BBS9: variants seen among roughly 807,000 people sequenced by gnomAD.
BBS9 encodes the protein protein PTHB1.
BBS9 carries 89 observed loss-of-function variants against 117.7 expected under a neutral mutation model. That is an observed-to-expected ratio of 0.76 (90% confidence interval 0.64 to 0.90). The LOEUF is 0.90. Ranked by LOEUF, BBS9 falls within the 40% of genes least tolerant of loss-of-function variation. The pLI, the probability that BBS9 is intolerant of heterozygous loss-of-function variation, is 0.00. For missense variants in BBS9, 982 were observed against 1,042.2 expected (o/e 0.94, Z 0.80); for synonymous variants, 379 against 370.9 (o/e 1.02, Z -0.25).
intron 19 of BBS9, among the ~76,000 whole-genome samples, chr7:33,398,153 C>T (rs1828317016): frequency 6.6e-6 from 1 of 152,134 alleles, no homozygotes; most frequent in Non-Finnish European, 1.5e-5. Context: ...AGCTAATTCA[C>T]ACTTGAAATG....
intron 19 of BBS9, chr7:33,390,472 T>TG: frequency 1.0e-6 from 1 of 978,800 alleles, no homozygotes; most frequent in Non-Finnish European, 1.2e-6. Flanking sequence ...TCCTTTTAGA[T>TG]TAATGAAAAG....
chr7:33,167,109 A>T (rs949552729), intron 4 of BBS9, among the ~76,000 whole-genome samples: 1 of 152,248 alleles, frequency 6.6e-6, no homozygotes, highest in African/African-American at 2.4e-5. Context: ...GGACTCAGGA[A>T]GCACAAGGTG....
intron 1 of BBS9, among the ~76,000 whole-genome samples, chr7:33,140,017 A>G (rs1165137157): frequency 3.3e-5 from 5 of 151,458 alleles, no homozygotes; most frequent in Non-Finnish European, 7.4e-5. Flanking sequence ...AGCTTCTGGT[A>G]GATTCCTCTT....
At chr7:33,469,749 A>G (rs1840709227) in intron 19 of BBS9, among the ~76,000 whole-genome samples, 1 of 152,114 alleles carries the variant, frequency 6.6e-6, no homozygotes, top group Non-Finnish European at 1.5e-5. Context: ...GAGAACAAAG[A>G]AAAGAAAGAA....
chr7:33,411,142 A>T (rs1023934986), intron 19 of BBS9, among the ~76,000 whole-genome samples: 1 of 152,076 alleles, frequency 6.6e-6, no homozygotes, highest in African/African-American at 2.4e-5. Flanking sequence ...CATGTGGATA[A>T]GCTTGGATAT....
chr7:33,584,271 A>G (rs1020435304), intron 21 of BBS9, among the ~76,000 whole-genome samples: 1 of 152,004 alleles, frequency 6.6e-6, no homozygotes. Context: ...CAATTATATC[A>G]TCTGGAAATT....
At chr7:33,130,658 A>G (rs1456763784) in intron 1 of BBS9, among the ~76,000 whole-genome samples, 2 of 152,218 alleles carry the variant, frequency 1.3e-5, no homozygotes, top group Non-Finnish European at 2.9e-5. Context: ...CAGCATTCAG[A>G]GAAAGATTTT....
At chr7:33,463,438 T>C (rs1241183156) in intron 19 of BBS9, among the ~76,000 whole-genome samples, 2 of 152,090 alleles carry the variant, frequency 1.3e-5, no homozygotes, top group African/African-American at 4.8e-5. Context: ...GTTGTCTTGT[T>C]TAGATTAGTG....
At chr7:33,409,159 A>G (rs755309151) in intron 19 of BBS9, among the ~76,000 whole-genome samples, 4 of 152,018 alleles carry the variant, frequency 2.6e-5, no homozygotes, top group Non-Finnish European at 5.9e-5. Flanking sequence ...CTTTAGTTTA[A>G]TTGGGTCCCA....
intron 9 of BBS9, 152 bp downstream of exon 9, chr7:33,274,108 CTT>C (rs1022971689): frequency 2.4e-6 from 2 of 834,904 alleles, no homozygotes; most frequent in Non-Finnish European, 3.7e-6. Flanking sequence ...TAAAATATAA[CTT>C]TTATTGGAAA....
At chr7:33,338,644 G>C (rs1815876505) in intron 10 of BBS9, among the ~76,000 whole-genome samples, 1 of 152,120 alleles carries the variant, frequency 6.6e-6, no homozygotes, top group Non-Finnish European at 1.5e-5. Context: ...GATTTTATGT[G>C]TGTAAGTTAT....
In BBS9 at chr7:33,251,451, A is replaced by G. The variant is rs147187886; in HGVS notation, c.443-5785A>G. Among the ~76,000 whole-genome samples the G allele has an allele frequency of 4.3e-3, 650 of 152,242 alleles. 12 individuals are homozygous for G. The South Asian group carries it at 0.048, about 11-fold the overall frequency. ...GTGAGGTCAGTCTCACCCAAACCTT[A>G]TGGCTGAGCATGAGGAGAGGGGAAT... On this transcript the variant is annotated intron_variant, in intron 5 of 22. Transcript: ENST00000242067.
intron 19 of BBS9, among the ~76,000 whole-genome samples, chr7:33,443,579 CTT>C (rs1324573734): frequency 6.6e-6 from 1 of 152,136 alleles, no homozygotes; most frequent in Non-Finnish European, 1.5e-5. Context: ...TACAAAGAGA[CTT>C]GACATTTTGC....
intron 5 of BBS9, among the ~76,000 whole-genome samples, chr7:33,192,285 A>G (rs893199449): frequency 6.6e-6 from 1 of 152,218 alleles, no homozygotes; most frequent in African/African-American, 2.4e-5. Context: ...GTATTAAAAT[A>G]TATGAATTTA....
chr7:33,175,908 A>G (rs1461556079), intron 4 of BBS9, among the ~76,000 whole-genome samples: 2 of 152,198 alleles, frequency 1.3e-5, no homozygotes, highest in Non-Finnish European at 2.9e-5. Context: ...ATAGCATTTT[A>G]GGTGAAATAA....
intron 9 of BBS9, among the ~76,000 whole-genome samples, chr7:33,330,249 A>G (rs2128608161): frequency 6.6e-6 from 1 of 152,262 alleles, no homozygotes; most frequent in East Asian, 1.9e-4. Flanking sequence ...TCCTGAGCTC[A>G]GGCAATCTGC....
At chr7:33,522,604 T>C (rs192532380) in intron 20 of BBS9, among the ~76,000 whole-genome samples, 18,271 of 152,100 alleles carry the variant, frequency 0.12, 1,150 homozygotes, top group African/African-American at 0.16. Context: ...GTTTGTTTTT[T>C]TCTTGTAAAC....
intron 19 of BBS9, among the ~76,000 whole-genome samples, chr7:33,406,983 C>A (rs942755735): frequency 6.6e-6 from 1 of 151,460 alleles, no homozygotes; most frequent in African/African-American, 2.4e-5. Flanking sequence ...TGTTGGCCTG[C>A]CTTGCTAGAT....
At chr7:33,515,065 A>G (rs1352278841) in intron 20 of BBS9, among the ~76,000 whole-genome samples, 1 of 152,214 alleles carries the variant, frequency 6.6e-6, no homozygotes, top group Non-Finnish European at 1.5e-5. Flanking sequence ...TTGCCACTGT[A>G]TGACAACAAT....
Sources: allele counts gnomAD v4.1 joint callset (sites outside exome capture counted in the v4.1 genomes callset), GRCh38; gene constraint gnomAD v4.1.1; transcripts MANE v1.5; gene names NCBI Gene and HGNC (gene_info 2026-07-23, HGNC 2026-07-21).